The following MSI2 variants were observed in gnomAD, a reference collection of about 807,000 sequenced individuals.
MSI2 encodes musashi RNA binding protein 2.
Under a neutral mutation model 45.6 loss-of-function variants are expected in MSI2, and 17 were observed. The observed-to-expected ratio is 0.37, with a 90% CI of 0.26 to 0.56. MSI2 has a LOEUF of 0.56. MSI2 is among the 20% of genes least tolerant of loss of function. The pLI is 0.77. For synonymous variants in MSI2, 156 were observed against 158.2 expected (o/e 0.99, Z 0.11); for missense variants, 293 against 444.2 (o/e 0.66, Z 3.06).
At chr17:57,298,871 C>T (rs1446427906) in intron 5 of MSI2, among the ~76,000 whole-genome samples, 2 of 152,224 alleles carry the variant, frequency 1.3e-5, no homozygotes, top group Non-Finnish European at 2.9e-5. Context: ...GGCTTCTCCT[C>T]TCTAGCTATC....
intron 6 of MSI2, among the ~76,000 whole-genome samples, chr17:57,421,519 TCTGTCC>T: frequency 6.7e-6 from 1 of 149,440 alleles, no homozygotes; most frequent in Admixed American, 6.9e-5. Context: ...CCTCTCTCCC[TCTGTCC>T]CTCCTCCCCA....
At chr17:57,592,567 T>G (rs1271278148) in intron 7 of MSI2, among the ~76,000 whole-genome samples, 1 of 152,244 alleles carries the variant, frequency 6.6e-6, no homozygotes, top group Non-Finnish European at 1.5e-5. Flanking sequence ...TATAGGTCTT[T>G]AAAACACTGC....
At chr17:57,296,372 T>C (rs1224099459) in intron 5 of MSI2, among the ~76,000 whole-genome samples, 1 of 152,206 alleles carries the variant, frequency 6.6e-6, no homozygotes, top group Non-Finnish European at 1.5e-5. Context: ...TACTTTTAAA[T>C]ACCAGTTAGT....
At chr17:57,523,327 C>T (rs570326318) in intron 6 of MSI2, among the ~76,000 whole-genome samples, 13 of 152,292 alleles carry the variant, frequency 8.5e-5, no homozygotes, top group South Asian at 2.1e-4. Flanking sequence ...GGATTACAGG[C>T]GTGAGCCACC....
intron 10 of MSI2, among the ~76,000 whole-genome samples, chr17:57,645,694 AG>A (rs749560275): frequency 5.3e-5 from 8 of 151,844 alleles, no homozygotes; most frequent in African/African-American, 7.3e-5. Context: ...CTCCCGCCTC[AG>A]TCTCCCAAAG....
rs7214420 is a variant in MSI2 at position 57,680,020 on chromosome 17, A to C, written c.*503A>C. Reference sequence around the variant, plus strand: ...TGCTGAGATGGTAATATGACTCTCCATATTTTGGTACCAATTCTGAGACTG... The same window carrying C: ...TGCTGAGATGGTAATATGACTCTCCCTATTTTGGTACCAATTCTGAGACTG... On this transcript the variant is annotated 3_prime_UTR_variant, in exon 14 of 14. Transcript: ENST00000284073. The C allele has an allele frequency of 0.91, 208,887 of 228,312 alleles. 95,833 individuals carry two copies. The highest frequency in any genetic ancestry group is 1 in the East Asian group (15,985 of 15,990). 14.1% of individuals were successfully genotyped at this position (228,312 alleles called of 1,614,324 possible). A position where few individuals can be genotyped will look rare whatever the true frequency, so the allele number is the denominator to read the frequency against.
At position 57,382,077 on chromosome 17, in the gene MSI2, A is replaced by C. The variant is rs572422965; in HGVS notation, c.313-19302A>C. Among the ~76,000 whole-genome samples, 11 of 152,354 alleles carry C rather than the reference A, an allele frequency of 7.2e-5. 1 individual carries two copies. In the South Asian group the frequency reaches 2.3e-3, roughly 32 times the overall value. ...TTCAGGAATAGTTTACATCCTGTGC[A>C]GGTGTAGAGAAAACAATAGTGTATG... is the stretch of plus-strand genomic sequence containing the variant. On this transcript the variant is annotated intron_variant, in intron 5 of 13. Transcript: ENST00000284073.
intron 5 of MSI2, among the ~76,000 whole-genome samples, chr17:57,370,909 A>G (rs191972525): frequency 5.9e-5 from 9 of 152,324 alleles, no homozygotes; most frequent in African/African-American, 2.2e-4. Context: ...GTTAATGTTA[A>G]TATTTCACTG....
At chr17:57,591,343 CAT>C (rs141690186) in intron 7 of MSI2, among the ~76,000 whole-genome samples, 2,944 of 152,274 alleles carry the variant, frequency 0.019, 44 homozygotes, top group Non-Finnish European at 0.027. Flanking sequence ...GCCTTAAAAA[CAT>C]ATGTCAAATA....
chr17:57,366,440 A>C (rs1395638037), intron 5 of MSI2, among the ~76,000 whole-genome samples: 2 of 152,234 alleles, frequency 1.3e-5, no homozygotes, highest in East Asian at 3.8e-4. Context: ...CTCTGACCAC[A>C]TGCTGCTCTT....
intron 6 of MSI2, among the ~76,000 whole-genome samples, chr17:57,508,682 G>A (rs1461327085): frequency 6.6e-5 from 10 of 152,176 alleles, no homozygotes. Context: ...AGATGTGTGG[G>A]ATTGGCAAGA....
chr17:57,461,010 G>C (rs1000293194), intron 6 of MSI2, among the ~76,000 whole-genome samples: 1 of 152,186 alleles, frequency 6.6e-6, no homozygotes, highest in African/African-American at 2.4e-5. Context: ...TAGGTGCTTT[G>C]GTGGAAAGTT....
chr17:57,473,011 G>C (rs1452334352), intron 6 of MSI2, among the ~76,000 whole-genome samples: 1 of 149,836 alleles, frequency 6.7e-6, no homozygotes, highest in Non-Finnish European at 1.5e-5. Flanking sequence ...CCCTGCCTCA[G>C]CCTCCTGAGT....
At chr17:57,452,420 G>A (rs576992189) in intron 6 of MSI2, among the ~76,000 whole-genome samples, 9 of 152,394 alleles carry the variant, frequency 5.9e-5, no homozygotes, top group African/African-American at 2.2e-4. Flanking sequence ...GGCAGAGCCA[G>A]GACTAGAAGT....
At chr17:57,558,563 T>C (rs142643408) in intron 7 of MSI2, among the ~76,000 whole-genome samples, 1 of 152,274 alleles carries the variant, frequency 6.6e-6, no homozygotes, top group Non-Finnish European at 1.5e-5. Context: ...ACATCCCTCC[T>C]GGTGGCACAA....
chr17:57,275,078 A>G (rs986719813), intron 5 of MSI2, among the ~76,000 whole-genome samples: 1 of 152,226 alleles, frequency 6.6e-6, no homozygotes, highest in Non-Finnish European at 1.5e-5. Context: ...ATCTGAAGTT[A>G]GTTGATAAGT....
intron 7 of MSI2, among the ~76,000 whole-genome samples, chr17:57,571,146 C>G (rs572945469): frequency 6.6e-6 from 1 of 152,078 alleles, no homozygotes; most frequent in East Asian, 1.9e-4. Context: ...TGTGGTGGCT[C>G]TAACTAGGAA....
chr17:57,460,066 T>A (rs1217478377), intron 6 of MSI2, among the ~76,000 whole-genome samples: 1 of 150,128 alleles, frequency 6.7e-6, no homozygotes, highest in African/African-American at 2.5e-5. Context: ...GGGGTGGAGG[T>A]TGCAGTGAGC....
chr17:57,582,624 C>T (rs1598422056), intron 7 of MSI2, among the ~76,000 whole-genome samples: 1 of 152,166 alleles, frequency 6.6e-6, no homozygotes, highest in South Asian at 2.1e-4. Flanking sequence ...GGAGGAAGCA[C>T]GATTCACTGT....
Sources: allele counts gnomAD v4.1 joint callset (sites outside exome capture counted in the v4.1 genomes callset), GRCh38; gene constraint gnomAD v4.1.1; transcripts MANE v1.5; gene names NCBI Gene and HGNC (gene_info 2026-07-23, HGNC 2026-07-21).